NIN: variants seen among roughly 807,000 people sequenced by gnomAD.
NIN encodes the protein glycogen synthase kinase 3 beta-interacting protein.
Under a neutral mutation model 257.6 loss-of-function variants are expected in NIN, and 137 were observed. That is an observed-to-expected ratio of 0.53 (90% CI 0.46 to 0.61). The LOEUF is 0.61. NIN is among the 20% of genes least tolerant of loss of function. The probability of loss-of-function intolerance (pLI) is 0.00; values close to 1 mark genes in which losing one functional copy is unlikely to be tolerated. For missense variants in NIN, 2,439 were observed against 2,501.2 expected, an observed-to-expected ratio of 0.98 and a Z score of 0.53; for synonymous variants, 918 against 919.8, an observed-to-expected ratio of 1.00 and a Z score of 0.04.
rs1455868268 is a variant in NIN at position 50,757,821 on chromosome 14, A to G, written c.3209T>C (p.Leu1070Pro). Reference sequence around the variant, plus strand: ...CACTGCCTGTTCATGAGCTCTCTGCAGGCTTAAGAGGACGTCCCCATTTTC... The same window carrying G: ...CACTGCCTGTTCATGAGCTCTCTGCGGGCTTAAGAGGACGTCCCCATTTTC... ...LEENGDVLLSLQRAHEQAVKE... is the reference protein window; with the variant it reads ...LEENGDVLLSPQRAHEQAVKE... The change falls in exon 18 of 31, where the codon CTG (leucine) becomes CCG (proline). Residue 1070 changes from leucine (L) to proline (P), a missense_variant. Leu to Pro is a moderately conservative substitution (Grantham distance 98). Around this residue, in one of 3 missense-constraint regions of NIN, gnomAD observed 2,043 missense variants for 2,050.2 expected, o/e 1.00. Transcript: ENST00000530997. The G allele has an allele frequency of 6.2e-7, 1 of 1,614,092 alleles. No homozygotes were observed. Among genetic ancestry groups the G allele is most frequent in the Non-Finnish European group, 8.5e-7 (1 of 1,180,022 alleles).
At position 50,752,671 on chromosome 14, in the gene NIN, C is replaced by T. The variant is rs757265767; in HGVS notation, c.4797G>A (p.Lys1599=). Reference sequence around the variant, plus strand: ...GCAGTTTTTCCTGGTTTTGAGAGTTCTTTTGGCTAAGTTCTGTATTTTCCA... The same window carrying T: ...GCAGTTTTTCCTGGTTTTGAGAGTTTTTTTGGCTAAGTTCTGTATTTTCCA... ...LDLENTELSQ[K]NSQNQEKLQE... Residue 1599 remains lysine, a synonymous_variant, in exon 21 of 31, where the codon AAG becomes AAA. Coordinates refer to ENST00000530997, the MANE Select transcript of NIN (RefSeq NM_020921.4). The T allele has an allele frequency of 6.2e-7, 1 of 1,611,874 alleles. No individual in the cohort carries two copies.
chr14:50,727,291 A>C, intron 29 of NIN: 1 of 975,896 alleles, frequency 1.0e-6, no homozygotes, highest in Non-Finnish European at 1.2e-6. Flanking sequence ...AGATTTGTAC[A>C]TCTTATACAA....
chr14:50,771,939 T>C (rs1339212970), intron 9 of NIN: 1 of 182,284 alleles, frequency 5.5e-6, no homozygotes, highest in African/African-American at 2.5e-5. Flanking sequence ...TGAGCCGAGA[T>C]CACACCGTTA....
At chr14:50,759,260 AACC>A (rs1456033379) in intron 17 of NIN, among the ~76,000 whole-genome samples, 1 of 152,224 alleles carries the variant, frequency 6.6e-6, no homozygotes, top group African/African-American at 2.4e-5. Context: ...ACTAGGAAGG[AACC>A]ACTTTTGGGA....
At chr14:50,790,983 CA>C (rs892406880) in intron 5 of NIN, among the ~76,000 whole-genome samples, 3 of 150,484 alleles carry the variant, frequency 2.0e-5, no homozygotes, top group African/African-American at 4.9e-5. Flanking sequence ...AAACTCATGT[CA>C]AAAAAAAAGT....
intron 3 of NIN, among the ~76,000 whole-genome samples, chr14:50,807,453 T>G (rs1595909032): frequency 6.6e-6 from 1 of 152,236 alleles, no homozygotes; most frequent in East Asian, 1.9e-4. Context: ...TTTATTTAAG[T>G]AAATAGTCAG....
In NIN at chr14:50,723,162, CA is replaced by C; in HGVS notation, c.*300del. ...ATAATTAAAAAAAAAACCAAAACCA[CA>C]AAAACTCATTCAAAACTGGTATTTT... On this transcript the variant is annotated 3_prime_UTR_variant, in exon 31 of 31. Coordinates refer to ENST00000530997, the MANE Select transcript of NIN (RefSeq NM_020921.4). 1 of 278,508 alleles carries C rather than the reference CA, an allele frequency of 3.6e-6. No individual in the cohort carries two copies. The highest frequency in any genetic ancestry group is 4.9e-5 in the Admixed American group (1 of 20,254). The allele number at this position is 278,508 out of a possible 1,614,324, so 17.3% of individuals were successfully genotyped here.
chr14:50,816,532 T>C (rs1489656599), intron 3 of NIN, among the ~76,000 whole-genome samples: 1 of 152,162 alleles, frequency 6.6e-6, no homozygotes, highest in Non-Finnish European at 1.5e-5. Context: ...TTGAGGAAAC[T>C]GTGCAGATAT....
intron 3 of NIN, among the ~76,000 whole-genome samples, chr14:50,814,893 A>G (rs963518606): frequency 1.7e-4 from 26 of 152,254 alleles, no homozygotes; most frequent in African/African-American, 6.3e-4. Flanking sequence ...AATTAACTCA[A>G]GGTAGATTAA....
chr14:50,744,982 C>G (rs1215896673), intron 22 of NIN, among the ~76,000 whole-genome samples: 5 of 152,050 alleles, frequency 3.3e-5, no homozygotes, highest in African/African-American at 1.2e-4. Context: ...AGTAACAACC[C>G]AAAGGCAAGT....
At chr14:50,779,684 G>A (rs1317455283) in intron 5 of NIN, among the ~76,000 whole-genome samples, 1 of 152,008 alleles carries the variant, frequency 6.6e-6, no homozygotes, top group Admixed American at 6.5e-5. Context: ...CGTGAACCCG[G>A]GAGGCGGAGC....
At chr14:50,793,448 G>A (rs2043690543) in intron 4 of NIN, among the ~76,000 whole-genome samples, 1 of 151,884 alleles carries the variant, frequency 6.6e-6, no homozygotes. Flanking sequence ...ATTAATGACA[G>A]CTAGTTACGT....
Position 50,757,635 on chromosome 14 carries a change from G to C in NIN, c.3395C>G (p.Thr1132Arg), listed in dbSNP as rs139379777. The change falls in exon 18 of 31, where the codon ACG (threonine) becomes AGG (arginine). Residue 1132 changes from threonine to arginine, a missense_variant. This residue lies in a region of NIN where 2,043 missense variants were observed against 2,050.2 expected (regional missense o/e 1.00). Coordinates refer to ENST00000530997, the MANE Select transcript of NIN (RefSeq NM_020921.4). ...CCTGGTCACACCTTCTACTTGCTTC[G>C]TTCGGTTTTGCTGTAAAAACTGCTC... The part of the protein sequence containing the change: ...QTEQFLQQNR[T>R]KQVEGVTRRH... 3.1e-6 allele frequency: 5 copies of C among 1,614,018 alleles called. No individual in the cohort carries two copies. The highest frequency in any genetic ancestry group is 4.2e-6 in the Non-Finnish European group (5 of 1,179,998).
chr14:50,752,132 C>A (rs2041812971), intron 21 of NIN, among the ~76,000 whole-genome samples: 1 of 148,670 alleles, frequency 6.7e-6, no homozygotes, highest in African/African-American at 2.5e-5. Flanking sequence ...ACAAATTCAC[C>A]CGTATTTTCT....
chr14:50,728,231 T>G (rs1268242717), intron 29 of NIN, among the ~76,000 whole-genome samples: 2 of 152,150 alleles, frequency 1.3e-5, no homozygotes, highest in Non-Finnish European at 2.9e-5. Flanking sequence ...CACTAAAAAC[T>G]GAGATCAAAG....
Position 50,757,699 on chromosome 14 carries a change from G to A in NIN, c.3331C>T (p.Pro1111Ser). The A allele has an allele frequency of 6.2e-7, 1 of 1,613,962 alleles. No individual in the cohort carries two copies. The change falls in exon 18 of 31, where the codon CCA becomes TCA. Residue 1111 changes from proline (P) to serine (S), a missense_variant. By Grantham distance (74) the Pro-to-Ser change is moderately conservative. Coordinates refer to ENST00000530997, the MANE Select transcript of NIN (RefSeq NM_020921.4). Reference protein sequence around the residue: ...GLVMSSCLDEPATEFFGNTAE... With the variant: ...GLVMSSCLDESATEFFGNTAE... ...GTATTTCCAAAAAACTCAGTAGCTG[G>A]CTCATCCAAACAAGAAGACATTACT...
Position 50,770,473 on chromosome 14 carries a change from T to C in NIN, c.1349A>G (p.Lys450Arg). The stretch of plus-strand genomic sequence containing the variant: ...TTCCTGTTCAAGTTCTAAACGCTGC[T>C]TGCCTGCCTGCTGCAGGATCTGCTC... The part of the protein sequence containing the change: ...EREQILQQAG[K>R]QRLELEQEIE... Residue 450 changes from lysine to arginine, a missense_variant, in exon 12 of 31, where the codon AAG becomes AGG. Lys to Arg is a conservative substitution (Grantham distance 26). Coordinates refer to ENST00000530997, the MANE Select transcript of NIN (RefSeq NM_020921.4). 6.2e-7 allele frequency: 1 copy of C among 1,614,180 alleles called. No homozygotes were observed. The highest frequency in any genetic ancestry group is 8.5e-7 in the Non-Finnish European group (1 of 1,179,970).
At chr14:50,826,545 A>G (rs2045466038) in intron 2 of NIN, among the ~76,000 whole-genome samples, 10 of 152,210 alleles carry the variant, frequency 6.6e-5, no homozygotes, top group Admixed American at 6.5e-4. Flanking sequence ...AGTGCCAAAT[A>G]GGACTGCAAA....
chr14:50,816,979 A>C lies in NIN; in HGVS notation c.183+4895T>G, dbSNP rs572853536. Among the ~76,000 whole-genome samples the C allele has an allele frequency of 3.3e-5, 5 of 152,328 alleles. No individual in the cohort carries two copies. The South Asian group carries it at 6.2e-4, about 19-fold the overall frequency. Reference sequence around the variant, plus strand: ...ATGAGAAAGCATTAATACAGAGTCAAAGCAAGTTGAGCAGTCTCCTAATCA... The same window carrying C: ...ATGAGAAAGCATTAATACAGAGTCACAGCAAGTTGAGCAGTCTCCTAATCA... On this transcript the variant is annotated intron_variant, in intron 3 of 30. Transcript: ENST00000530997.
Sources: allele counts gnomAD v4.1 joint callset (sites outside exome capture counted in the v4.1 genomes callset), GRCh38; gene constraint gnomAD v4.1.1; regional missense constraint gnomAD v4.1.1; transcripts MANE v1.5; gene names NCBI Gene and HGNC (gene_info 2026-07-23, HGNC 2026-07-21).